Variants in CD48 observed in about 807,000 individuals in gnomAD.
CD48 encodes the protein CD48 antigen.
Under a neutral mutation model 22.0 loss-of-function variants are expected in CD48, and 20 were observed. The observed-to-expected ratio is 0.91, with a 90% CI of 0.64 to 1.32. The LOEUF is 1.32. CD48 is among the 40% of genes most tolerant of loss of function. CD48 has a pLI of 0.00. For missense variants in CD48, 307 were observed against 286.5 expected, an observed-to-expected ratio of 1.07 and a Z score of -0.52; for synonymous variants, 110 against 110.1, an observed-to-expected ratio of 1.00 and a Z score of 0.01.
At chr1:160,681,136 C>T (rs771834935) in intron 3 of CD48, 66 bp downstream of exon 3, 4 of 1,612,330 alleles carry the variant, frequency 2.5e-6, no homozygotes, top group East Asian at 2.2e-5. Context: ...GGACCCCCAG[C>T]CTTTCTTTGT....
chr1:160,683,134 C>A (rs961870581), intron 2 of CD48, among the ~76,000 whole-genome samples: 19 of 152,176 alleles, frequency 1.2e-4, no homozygotes, highest in Non-Finnish European at 2.4e-4. Context: ...TTTAATTGAG[C>A]AATTTTTATC....
At chr1:160,681,153 C>T (rs912437664) in intron 3 of CD48, 49 bp downstream of exon 3, 47 of 1,613,804 alleles carry the variant, frequency 2.9e-5, no homozygotes, top group Non-Finnish European at 4.0e-5. Context: ...TTGTTCAAAA[C>T]AACTCCAGTT....
intron 1 of CD48, among the ~76,000 whole-genome samples, chr1:160,709,936 C>T (rs75479876): frequency 0.018 from 2,668 of 152,184 alleles, 69 homozygotes; most frequent in African/African-American, 0.061. Context: ...CTGAGGTTCC[C>T]ATCTAACCAT....
rs956431242 is a variant in CD48 at position 160,681,481 on chromosome 1, A to G, written c.386-13T>C. The G allele has an allele frequency of 1.9e-6, 3 of 1,611,820 alleles. No individual in the cohort carries two copies. Among genetic ancestry groups the G allele is most frequent in the African/African-American group, 2.7e-5 (2 of 74,792 alleles). On this transcript the variant is annotated splice_polypyrimidine_tract_variant and intron_variant, in intron 2 of 3. Coordinates refer to ENST00000368046, the MANE Select transcript of CD48 (RefSeq NM_001778.4). ...TTGGGTACAGGGTCTGAAAGTGAGG[A>G]GGATGTTATAAGATGAGACAGTGAG...
intron 1 of CD48, among the ~76,000 whole-genome samples, chr1:160,707,311 T>G (rs1211437235): frequency 6.6e-6 from 1 of 152,124 alleles, no homozygotes; most frequent in South Asian, 2.1e-4. Context: ...TAAAGGGTCA[T>G]GAAAAAGTAG....
intron 2 of CD48, chr1:160,684,559 G>A (rs745541384): frequency 5.0e-6 from 3 of 602,696 alleles, no homozygotes; most frequent in Non-Finnish European, 8.4e-6. Context: ...CCTAATTTCG[G>A]AGATATAATC....
chr1:160,698,392 CA>C (rs1308800240), intron 1 of CD48, among the ~76,000 whole-genome samples: 3 of 152,124 alleles, frequency 2.0e-5, no homozygotes, highest in African/African-American at 7.2e-5. Flanking sequence ...CCAAAAGATT[CA>C]TTTTTACTTT....
At chr1:160,695,263 C>A (rs1662374009) in intron 1 of CD48, among the ~76,000 whole-genome samples, 2 of 152,422 alleles carry the variant, frequency 1.3e-5, no homozygotes, top group Non-Finnish European at 2.9e-5. Context: ...AGCTCTTCAA[C>A]CAGTTAGAGA....
chr1:160,689,841 G>A (rs191439862), intron 1 of CD48, among the ~76,000 whole-genome samples: 533 of 152,260 alleles, frequency 3.5e-3, no homozygotes, highest in Non-Finnish European at 6.0e-3. Flanking sequence ...TCTTCCCTAC[G>A]TTATAATTGT....
At chr1:160,692,422 C>G (rs761593691) in intron 1 of CD48, among the ~76,000 whole-genome samples, 3 of 152,140 alleles carry the variant, frequency 2.0e-5, no homozygotes, top group Non-Finnish European at 2.9e-5. Context: ...GTCTAAACCA[C>G]GAGGGCCAAG....
Position 160,682,532 on chromosome 1 carries a change from AAGGG to A in CD48, c.386-1068_386-1065del, listed in dbSNP as rs373212773. Among the ~76,000 whole-genome samples, 695 of 142,416 alleles carry A rather than the reference AAGGG, an allele frequency of 4.9e-3. 8 individuals are homozygous for A. The highest frequency in any genetic ancestry group is 0.014 in the African/African-American group (572 of 39,466). The allele number at this position is 142,416 out of a possible 152,430, so 93.4% of individuals were successfully genotyped here. Reference sequence around the variant, plus strand: ...AAGAGAAGAGAGGAAAAAGAAAAAGAAGGGAGGGAGGGAGGGAGGGAGGCAAGTA... The same window carrying A: ...AAGAGAAGAGAGGAAAAAGAAAAAGAAGGGAGGGAGGGAGGGAGGCAAGTA... On this transcript the variant is annotated intron_variant, in intron 2 of 3. Transcript: ENST00000368046.
chr1:160,680,537 A>C (rs1661755582), intron 3 of CD48: 1 of 987,418 alleles, frequency 1.0e-6, no homozygotes, highest in Non-Finnish European at 1.2e-6. Flanking sequence ...ACTGACTCTA[A>C]AACCCATGGC....
intron 2 of CD48, chr1:160,683,487 T>G (rs887575219): frequency 1.2e-4 from 18 of 151,984 alleles, no homozygotes; most frequent in Non-Finnish European, 1.5e-4. Flanking sequence ...ACCACAGAAA[T>G]TACAAAGTTG....
intron 1 of CD48, among the ~76,000 whole-genome samples, chr1:160,688,242 T>G (rs1662071914): frequency 6.6e-6 from 1 of 152,202 alleles, no homozygotes; most frequent in Non-Finnish European, 1.5e-5. Flanking sequence ...TTGCAGTGAC[T>G]GTAATTAGGC....
intron 1 of CD48, among the ~76,000 whole-genome samples, chr1:160,710,763 G>A (rs955680824): frequency 2.6e-5 from 4 of 152,164 alleles, no homozygotes; most frequent in African/African-American, 9.7e-5. Context: ...GAATATGTGA[G>A]AGACCGATCC....
chr1:160,684,719 C>T, intron 2 of CD48, 168 bp downstream of exon 2: 3 of 1,553,088 alleles, frequency 1.9e-6, no homozygotes, highest in Non-Finnish European at 2.6e-6. Context: ...TATCTGTTGA[C>T]CTAGGCTCAC....
intron 1 of CD48, chr1:160,686,714 C>T (rs183628559): frequency 5.9e-5 from 9 of 152,114 alleles, no homozygotes; most frequent in African/African-American, 2.2e-4. Flanking sequence ...TGATGCCCCA[C>T]AAGCTACAAA....
At chr1:160,689,618 A>G (rs550324255) in intron 1 of CD48, among the ~76,000 whole-genome samples, 15 of 152,348 alleles carry the variant, frequency 9.8e-5, no homozygotes, top group African/African-American at 3.4e-4. Flanking sequence ...ATGGGTCTCC[A>G]CTGCCATCAG....
intron 1 of CD48, among the ~76,000 whole-genome samples, chr1:160,703,482 A>G (rs535282464): frequency 1.2e-4 from 18 of 152,294 alleles, no homozygotes; most frequent in African/African-American, 4.1e-4. Flanking sequence ...GGTAAAGTGT[A>G]GTTTGGTCCT....
Sources: gnomAD v4.1 joint callset for allele counts (sites outside exome capture counted in the v4.1 genomes callset) on GRCh38, gnomAD v4.1.1 for gene constraint, MANE v1.5 for transcripts, NCBI Gene and HGNC (gene_info 2026-07-23, HGNC 2026-07-21) for gene names.